Variants in GFRA1 observed in about 807,000 individuals in gnomAD.
GFRA1 encodes GDNF family receptor alpha 1.
Under a neutral mutation model 51.6 loss-of-function variants are expected in GFRA1, and 16 were observed. That is an observed-to-expected ratio of 0.31 (90% confidence interval 0.21 to 0.47). GFRA1 has a LOEUF of 0.47. GFRA1 is among the 20% of genes least tolerant of loss of function. GFRA1 has a pLI of 1.00. For synonymous variants in GFRA1, 270 were observed against 241.3 expected (o/e 1.12, Z -1.10); for missense variants, 530 against 594.3 (o/e 0.89, Z 1.13).
chr10:116,162,231 C>T (rs571133260), intron 5 of GFRA1, among the ~76,000 whole-genome samples: 1 of 152,320 alleles, frequency 6.6e-6, no homozygotes, highest in African/African-American at 2.4e-5. Context: ...TGACCCATAT[C>T]ATGGATCTAA....
intron 5 of GFRA1, among the ~76,000 whole-genome samples, chr10:116,141,618 C>G (rs1958571723): frequency 6.6e-6 from 1 of 152,120 alleles, no homozygotes; most frequent in South Asian, 2.1e-4. Context: ...GAGTCTTGCT[C>G]TGTCACCCAG....
At chr10:116,228,602 C>T (rs1293236719) in intron 4 of GFRA1, among the ~76,000 whole-genome samples, 1 of 152,074 alleles carries the variant, frequency 6.6e-6, no homozygotes, top group East Asian at 1.9e-4. Flanking sequence ...GGATAATCTT[C>T]CCCCAGAGAG....
At chr10:116,261,147 G>A (rs1565687405) in intron 4 of GFRA1, among the ~76,000 whole-genome samples, 2 of 152,234 alleles carry the variant, frequency 1.3e-5, no homozygotes, top group African/African-American at 2.4e-5. Flanking sequence ...CCTAAGGGGG[G>A]AGCACAGATT....
intron 5 of GFRA1, among the ~76,000 whole-genome samples, chr10:116,157,519 G>C (rs560957372): frequency 2.6e-5 from 4 of 152,272 alleles, no homozygotes; most frequent in Admixed American, 2.0e-4. Flanking sequence ...AGAGCTCTCT[G>C]TTCATTCAAG....
At chr10:116,209,917 A>G (rs1965059075) in intron 5 of GFRA1, among the ~76,000 whole-genome samples, 1 of 152,140 alleles carries the variant, frequency 6.6e-6, no homozygotes, top group African/African-American at 2.4e-5. Context: ...TCACAAAAGC[A>G]AGTTCAGTTC....
In GFRA1 at chr10:116,270,963, C is replaced by G. The variant is rs746075460; in HGVS notation, c.193G>C (p.Gly65Arg). 1.2e-6 allele frequency: 2 copies of G among 1,614,216 alleles called. No homozygotes were observed. Among genetic ancestry groups the G allele is most frequent in the Admixed American group, 3.3e-5 (2 of 60,038 alleles). Residue 65 changes from glycine (G) to arginine (R), a missense_variant, in exon 3 of 11, where the codon GGC becomes CGC. Gly to Arg is a moderately radical substitution (Grantham distance 125, BLOSUM62 -2). Coordinates refer to ENST00000355422, the MANE Select transcript of GFRA1 (RefSeq NM_005264.8). ...CGGCACTCATCCTTGGCCTCCAGGC[C>G]GGATGCCAGGCTGAAGTTGGTCTCC... ...GKETNFSLAS[G>R]LEAKDECRSA... is the part of the protein sequence containing the mutation.
At chr10:116,220,111 T>A (rs1291418512) in intron 4 of GFRA1, among the ~76,000 whole-genome samples, 1 of 152,174 alleles carries the variant, frequency 6.6e-6, no homozygotes, top group Non-Finnish European at 1.5e-5. Flanking sequence ...CACAAAAAAA[T>A]TTCATTCTTT....
rs35365212 is a variant in GFRA1 at position 116,174,145 on chromosome 10, C to CA, written c.433+37485dup. Among the ~76,000 whole-genome samples the CA allele has an allele frequency of 3.2e-3, 473 of 150,082 alleles. 5 individuals are homozygous for CA. Among genetic ancestry groups the CA allele is most frequent in the African/African-American group, 0.011 (454 of 40,910 alleles). On this transcript the variant is annotated intron_variant, in intron 5 of 10. Transcript: ENST00000355422. ...GTCTTTTCAACAAATTAGGCCTTCTCAAAAAAAAAAAAAATTGCTTTGCCC... is the reference window on the plus strand; with the variant it reads ...GTCTTTTCAACAAATTAGGCCTTCTCAAAAAAAAAAAAAAATTGCTTTGCCC...
At chr10:116,179,210 C>T (rs998612138) in intron 5 of GFRA1, among the ~76,000 whole-genome samples, 6 of 152,146 alleles carry the variant, frequency 3.9e-5, no homozygotes, top group African/African-American at 4.8e-5. Context: ...GTCTGGAAGG[C>T]ACTGATCTAA....
intron 6 of GFRA1, 111 bp from the exon 7 acceptor site, chr10:116,096,875 GCACACGCACACA>G (rs1242221721): frequency 3.2e-5 from 15 of 474,004 alleles, no homozygotes; most frequent in Non-Finnish European, 4.2e-5. Flanking sequence ...TTCTGCACAC[GCACACGCACACA>G]CACACACACA....
chr10:116,271,336 C>A (rs1843917958), intron 2 of GFRA1, among the ~76,000 whole-genome samples: 1 of 152,108 alleles, frequency 6.6e-6, no homozygotes. Flanking sequence ...GGAAGAGTGG[C>A]GCAGGCTCAG....
chr10:116,066,857 C>T (rs1175945765), intron 9 of GFRA1, among the ~76,000 whole-genome samples: 1 of 152,198 alleles, frequency 6.6e-6, no homozygotes, highest in African/African-American at 2.4e-5. Context: ...CAAGGAGGAC[C>T]TGGGCAACCC....
At chr10:116,270,776 C>T (rs1422492136) in intron 3 of GFRA1, 46 bp downstream of exon 3, 23 of 1,540,548 alleles carry the variant, frequency 1.5e-5, no homozygotes, top group Non-Finnish European at 2.0e-5. Context: ...GGCCCGCCTG[C>T]CTTCGGGGAG....
chr10:116,219,065 A>G (rs1322652323), intron 4 of GFRA1, among the ~76,000 whole-genome samples: 2 of 152,112 alleles, frequency 1.3e-5, no homozygotes, highest in African/African-American at 4.8e-5. Flanking sequence ...GGAATGTGCT[A>G]CCAACATCAA....
chr10:116,265,681 A>G (rs1419877), intron 4 of GFRA1, among the ~76,000 whole-genome samples: 116,196 of 152,110 alleles, frequency 0.76, 44,513 homozygotes, highest in East Asian at 0.9. Flanking sequence ...TAAACAGTGC[A>G]TTGCGCACGG....
At chr10:116,201,817 C>A in intron 5 of GFRA1, among the ~76,000 whole-genome samples, 1 of 152,076 alleles carries the variant, frequency 6.6e-6, no homozygotes, top group Non-Finnish European at 1.5e-5. Flanking sequence ...CTGTCCCCAC[C>A]CCCCTCACCT....
At chr10:116,267,951 ACACACACACACAC>A (rs1565692326) in intron 4 of GFRA1, among the ~76,000 whole-genome samples, 7 of 151,048 alleles carry the variant, frequency 4.6e-5, no homozygotes, top group Non-Finnish European at 1.0e-4. Context: ...ACACACACAC[ACACACACACACAC>A]ACACACACAC....
At position 116,061,220 on chromosome 10, in the gene GFRA1, A is replaced by ATTC. The variant is rs2133741876; in HGVS notation, c.*3175_*3177dup. 2.0e-5 allele frequency: 3 copies of ATTC among 149,486 alleles called. 1 individual carries two copies. In the South Asian group the frequency reaches 6.3e-4, roughly 32 times the overall value. The allele number at this position is 149,486 out of a possible 1,614,324, so 9.3% of individuals were successfully genotyped here. ...AACTCGAAGACACAACTTCTAAGAC[A>ATTC]TTCTTACTACAGCACAAAAGTCTGT... On this transcript the variant is annotated 3_prime_UTR_variant, in exon 11 of 11. Coordinates refer to ENST00000355422, the MANE Select transcript of GFRA1 (RefSeq NM_005264.8).
At chr10:116,206,620 CTCTT>C (rs1275543286) in intron 5 of GFRA1, among the ~76,000 whole-genome samples, 1 of 98,580 alleles carries the variant, frequency 1.0e-5, no homozygotes, top group Non-Finnish European at 2.0e-5. Context: ...AAACCACATT[CTCTT>C]TTTTTTTTTT....
Sources: allele counts gnomAD v4.1 joint callset (sites outside exome capture counted in the v4.1 genomes callset), GRCh38; gene constraint gnomAD v4.1.1; transcripts MANE v1.5; gene names NCBI Gene and HGNC (gene_info 2026-07-23, HGNC 2026-07-21).